SLC24A4: variants seen among roughly 807,000 people sequenced by gnomAD.
SLC24A4 encodes the protein solute carrier family 24 member 4, also known as sodium/potassium/calcium exchanger 4.
Under a neutral mutation model 79.0 loss-of-function variants are expected in SLC24A4, and 53 were observed. The observed-to-expected ratio is 0.67, with a 90% CI of 0.54 to 0.84. The LOEUF is 0.84. SLC24A4 is among the 40% of genes least tolerant of loss of function. SLC24A4 has a pLI of 0.00. For synonymous variants in SLC24A4, 323 were observed against 323.8 expected (o/e 1.00, Z 0.03); for missense variants, 731 against 822.0 (o/e 0.89, Z 1.35).
At chr14:92,421,698 A>G (rs565972191) in intron 2 of SLC24A4, among the ~76,000 whole-genome samples, 1 of 151,942 alleles carries the variant, frequency 6.6e-6, no homozygotes, top group Admixed American at 6.6e-5. Flanking sequence ...AGTAGAGACA[A>G]GGTTTCACCA....
chr14:92,456,809 G>A (rs879722217), intron 12 of SLC24A4, among the ~76,000 whole-genome samples: 9 of 152,180 alleles, frequency 5.9e-5, no homozygotes, highest in Admixed American at 2.6e-4. Context: ...AGTGGGGTGC[G>A]GGCACCACCA....
intron 2 of SLC24A4, among the ~76,000 whole-genome samples, chr14:92,419,815 G>A (rs1371807148): frequency 6.6e-6 from 1 of 152,216 alleles, no homozygotes; most frequent in Non-Finnish European, 1.5e-5. Context: ...TGAGGGCTGA[G>A]TTGTTTTTCC....
chr14:92,491,316 A>G (rs1895659718), intron 14 of SLC24A4, among the ~76,000 whole-genome samples: 1 of 152,168 alleles, frequency 6.6e-6, no homozygotes, highest in Non-Finnish European at 1.5e-5. Context: ...GCATGAGTTT[A>G]TTTTTATTGT....
chr14:92,334,582 G>A (rs1287159346), intron 2 of SLC24A4, among the ~76,000 whole-genome samples: 1 of 152,114 alleles, frequency 6.6e-6, no homozygotes, highest in African/African-American at 2.4e-5. Flanking sequence ...AGTTGCACTG[G>A]ATAAGTACAA....
intron 2 of SLC24A4, among the ~76,000 whole-genome samples, chr14:92,367,655 C>A (rs1887928947): frequency 6.6e-6 from 1 of 152,236 alleles, no homozygotes; most frequent in Non-Finnish European, 1.5e-5. Context: ...GGCTACCCTT[C>A]CTACAGGAAA....
intron 14 of SLC24A4, among the ~76,000 whole-genome samples, chr14:92,487,237 C>T (rs1479581837): frequency 2.0e-5 from 3 of 152,154 alleles, no homozygotes; most frequent in Admixed American, 6.5e-5. Context: ...GGGCTTACTA[C>T]GTGGCATGGG....
chr14:92,424,756 C>A (rs1891477296), intron 2 of SLC24A4, among the ~76,000 whole-genome samples: 1 of 151,960 alleles, frequency 6.6e-6, no homozygotes, highest in Non-Finnish European at 1.5e-5. Flanking sequence ...GTGGCACATG[C>A]TTGTAGTTCC....
In SLC24A4 at chr14:92,468,918, GTGTGTGTGTGTGTGTGTC is replaced by G. The variant is rs919560154; in HGVS notation, c.1255+12311_1255+12328del. ...TGTGTGTGTGTGTGTGTGTGTGTGTGTGTGTGTGTGTGTGTGTCACTTAAAACTCAACAATAAAAGACA... is the reference window on the plus strand; with the variant it reads ...TGTGTGTGTGTGTGTGTGTGTGTGTGACTTAAAACTCAACAATAAAAGACA... On this transcript the variant is annotated intron_variant, in intron 12 of 16. Transcript: ENST00000532405. Among the ~76,000 whole-genome samples the G allele has an allele frequency of 7.1e-5, 8 of 113,188 alleles. No homozygotes were observed. In the East Asian group the frequency reaches 9.6e-4, roughly 14 times the overall value. The allele number at this position is 113,188 out of a possible 152,430, so 74.3% of individuals were successfully genotyped here. A position where few individuals can be genotyped will look rare whatever the true frequency, so the allele number is the denominator to read the frequency against.
chr14:92,412,621 G>A (rs147988345), intron 2 of SLC24A4, among the ~76,000 whole-genome samples: 3 of 151,978 alleles, frequency 2.0e-5, no homozygotes, highest in African/African-American at 4.8e-5. Flanking sequence ...CATCCCCCTC[G>A]CTGGAGACCA....
At chr14:92,458,630 G>A (rs1254401915) in intron 12 of SLC24A4, among the ~76,000 whole-genome samples, 1 of 152,208 alleles carries the variant, frequency 6.6e-6, no homozygotes, top group East Asian at 1.9e-4. Flanking sequence ...GGAGGGCAGT[G>A]TGTCCACCCA....
intron 12 of SLC24A4, among the ~76,000 whole-genome samples, chr14:92,467,483 A>C (rs551745771): frequency 6.6e-6 from 1 of 152,312 alleles, no homozygotes; most frequent in African/African-American, 2.4e-5. Flanking sequence ...CTTTCCCCTA[A>C]GATCAAGAGC....
At chr14:92,388,121 A>G (rs999257578) in intron 2 of SLC24A4, among the ~76,000 whole-genome samples, 1 of 152,104 alleles carries the variant, frequency 6.6e-6, no homozygotes, top group African/African-American at 2.4e-5. Context: ...GAACCTCCAT[A>G]CTGTTTTTAA....
At position 92,442,092 on chromosome 14, in the gene SLC24A4, C is replaced by G. The variant is rs1053836352; in HGVS notation, c.397C>G (p.Leu133Val). 40 of 1,613,500 alleles carry G rather than the reference C, an allele frequency of 2.5e-5. No individual in the cohort carries two copies. The highest frequency in any genetic ancestry group is 3.3e-5 in the Non-Finnish European group (39 of 1,179,610). The change falls in exon 5 of 17, where the codon CTC (leucine) becomes GTC (valine). Residue 133 changes from leucine (L) to valine (V), a missense_variant. Leu to Val is a conservative substitution (Grantham distance 32). Transcript: ENST00000532405. ...TCTGTGGTCACTTCCGTTTCAGAGACTCCATCTGAGCGAAGATGTGGCTGG... is the reference window on the plus strand; with the variant it reads ...TCTGTGGTCACTTCCGTTTCAGAGAGTCCATCTGAGCGAAGATGTGGCTGG... ...VPSLEKICERLHLSEDVAGAT... is the reference protein window; with the variant it reads ...VPSLEKICERVHLSEDVAGAT...
intron 2 of SLC24A4, among the ~76,000 whole-genome samples, chr14:92,373,181 C>T (rs1888298072): frequency 1.2e-5 from 1 of 81,430 alleles, no homozygotes; most frequent in South Asian, 6.3e-4. Flanking sequence ...TACACACACA[C>T]ACACACACAC....
At position 92,490,722 on chromosome 14, in the gene SLC24A4, A is replaced by C. The variant is rs1422619806; in HGVS notation, c.1538-943A>C. Among the ~76,000 whole-genome samples, 1 of 152,222 alleles carries C rather than the reference A, an allele frequency of 6.6e-6. No homozygotes were observed. Among genetic ancestry groups the C allele is most frequent in the East Asian group, 1.9e-4 (1 of 5,202 alleles). ...CAGCCCAGGGTAGCTGGGAACATGA[A>C]GTGAGGCGCAGTGGCCGGGAGTCCT... On this transcript the variant is annotated intron_variant, in intron 14 of 16. Transcript: ENST00000532405. This position sits in a 1 kb window ranked among gnomAD's most constrained non-coding sequence, Gnocchi z 4.3.
intron 2 of SLC24A4, among the ~76,000 whole-genome samples, chr14:92,355,356 C>A (rs547972225): frequency 6.6e-6 from 1 of 152,226 alleles, no homozygotes; most frequent in Admixed American, 6.5e-5. Context: ...GGCACAGGGT[C>A]TGCAGGTCAT....
intron 2 of SLC24A4, among the ~76,000 whole-genome samples, chr14:92,340,018 C>T (rs553345740): frequency 1.3e-5 from 2 of 152,288 alleles, no homozygotes; most frequent in South Asian, 4.1e-4. Flanking sequence ...TGGGGGTCAT[C>T]AACCCTGTTT....
intron 2 of SLC24A4, among the ~76,000 whole-genome samples, chr14:92,413,083 C>G (rs972305643): frequency 6.6e-6 from 1 of 152,160 alleles, no homozygotes; most frequent in Non-Finnish European, 1.5e-5. Flanking sequence ...CCATATGGCC[C>G]GCAAAGCCTG....
chr14:92,438,662 C>T (rs779336403), intron 3 of SLC24A4, among the ~76,000 whole-genome samples: 9 of 145,640 alleles, frequency 6.2e-5, no homozygotes, highest in East Asian at 4.1e-4. Context: ...GGCGAGGTAT[C>T]GGGGGAAGGG....
Sources: gnomAD v4.1 joint callset for allele counts (sites outside exome capture counted in the v4.1 genomes callset) on GRCh38, gnomAD v4.1.1 for gene constraint, Gnocchi (gnomAD v3.1) non-coding constraint, MANE v1.5 for transcripts, NCBI Gene and HGNC (gene_info 2026-07-23, HGNC 2026-07-21) for gene names.